The following LHFPL3 variants were observed in gnomAD, a reference collection of about 807,000 sequenced individuals.
LHFPL3 encodes LHFPL tetraspan subfamily member 3 protein.
Under a neutral mutation model 19.3 loss-of-function variants are expected in LHFPL3, and 5 were observed. The ratio of observed to expected loss-of-function variants is 0.26; its 90% CI spans 0.14 to 0.54. The LOEUF is 0.54. LHFPL3 is among the 20% of genes least tolerant of loss of function. The probability of loss-of-function intolerance (pLI) is 0.94; values close to 1 mark genes in which losing one functional copy is unlikely to be tolerated. For missense variants in LHFPL3, 249 were observed against 307.4 expected (o/e 0.81, Z 1.42); for synonymous variants, 133 against 126.2 (o/e 1.05, Z -0.36).
intron 1 of LHFPL3, among the ~76,000 whole-genome samples, chr7:104,429,356 G>T (rs1014153830): frequency 2.9e-5 from 4 of 138,090 alleles, no homozygotes; most frequent in African/African-American, 1.1e-4. Context: ...TGCCGAGGCT[G>T]GAGTGCAATG....
chr7:104,853,594 G>A (rs1791449694), intron 2 of LHFPL3, among the ~76,000 whole-genome samples: 1 of 152,164 alleles, frequency 6.6e-6, no homozygotes, highest in South Asian at 2.1e-4. Context: ...TGGTAAATTA[G>A]TGCTAATTTG....
chr7:104,429,301 CTTTT>C (rs71823474), intron 1 of LHFPL3, among the ~76,000 whole-genome samples: 1 of 84,528 alleles, frequency 1.2e-5, no homozygotes, highest in Non-Finnish European at 2.1e-5. Flanking sequence ...TATGTCATTC[CTTTT>C]TTTTTTTTTT....
intron 1 of LHFPL3, among the ~76,000 whole-genome samples, chr7:104,357,307 G>A (rs530398556): frequency 6.6e-6 from 1 of 152,278 alleles, no homozygotes; most frequent in South Asian, 2.1e-4. Flanking sequence ...CAAGTCACGT[G>A]CAATTTTGAC....
chr7:104,638,237 T>C (rs1486126903), intron 1 of LHFPL3, among the ~76,000 whole-genome samples: 1 of 152,220 alleles, frequency 6.6e-6, no homozygotes, highest in Non-Finnish European at 1.5e-5. Flanking sequence ...ACATTGATTT[T>C]ATATTCTGAA....
At chr7:104,773,688 GAGA>G (rs1384796670) in intron 2 of LHFPL3, among the ~76,000 whole-genome samples, 1 of 152,192 alleles carries the variant, frequency 6.6e-6, no homozygotes, top group Non-Finnish European at 1.5e-5. Flanking sequence ...TCCTTACAAA[GAGA>G]AGAAACCTGG....
chr7:104,357,359 T>C (rs1460394563), intron 1 of LHFPL3, among the ~76,000 whole-genome samples: 1 of 152,194 alleles, frequency 6.6e-6, no homozygotes, highest in African/African-American at 2.4e-5. Flanking sequence ...GAACCCAGGA[T>C]ACAGATAGAG....
intron 1 of LHFPL3, among the ~76,000 whole-genome samples, chr7:104,563,638 G>A (rs985602105): frequency 5.3e-5 from 8 of 152,358 alleles, no homozygotes; most frequent in South Asian, 2.1e-4. Context: ...GAAATCACCC[G>A]TCTTCTGTGT....
intron 1 of LHFPL3, among the ~76,000 whole-genome samples, chr7:104,599,402 G>C (rs1294265455): frequency 6.6e-6 from 1 of 152,132 alleles, no homozygotes; most frequent in Non-Finnish European, 1.5e-5. Context: ...TTGTTGGATT[G>C]GCTGTATTTG....
At chr7:104,411,100 T>C (rs986441837) in intron 1 of LHFPL3, among the ~76,000 whole-genome samples, 4 of 152,236 alleles carry the variant, frequency 2.6e-5, no homozygotes, top group Non-Finnish European at 4.4e-5. Flanking sequence ...GAGCGTATTT[T>C]AATTAAAAGA....
chr7:104,598,957 T>C (rs1225841719), intron 1 of LHFPL3, among the ~76,000 whole-genome samples: 1 of 152,266 alleles, frequency 6.6e-6, no homozygotes, highest in Non-Finnish European at 1.5e-5. Context: ...TTGACCTTGA[T>C]GGCACTTATG....
At chr7:104,807,606 C>A (rs1185664613) in intron 2 of LHFPL3, among the ~76,000 whole-genome samples, 1 of 152,178 alleles carries the variant, frequency 6.6e-6, no homozygotes, top group African/African-American at 2.4e-5. Context: ...ATGCCTGTAC[C>A]ATAACAAGTT....
At chr7:104,530,311 T>C (rs1038834858) in intron 1 of LHFPL3, among the ~76,000 whole-genome samples, 5 of 152,180 alleles carry the variant, frequency 3.3e-5, no homozygotes, top group Non-Finnish European at 7.3e-5. Flanking sequence ...ATAGCTGAAA[T>C]CACTTTGTGC....
rs1367607748 is a variant in LHFPL3, at chr7:104,561,897, G to T, written c.446-174778G>T. Among the ~76,000 whole-genome samples the T allele has an allele frequency of 3.9e-5, 6 of 152,174 alleles. No homozygotes were observed. In the South Asian group the frequency reaches 1.0e-3, roughly 26 times the overall value. On this transcript the variant is annotated intron_variant, in intron 1 of 2. Transcript: ENST00000424859. ...GGCCTGGTGGTGACAAAATCTCTCA[G>T]CATTTGCTTGTCTGTAAAGGATTTT...
intron 1 of LHFPL3, among the ~76,000 whole-genome samples, chr7:104,656,446 C>A (rs1792122694): frequency 6.6e-6 from 1 of 152,210 alleles, no homozygotes; most frequent in Non-Finnish European, 1.5e-5. Context: ...ACACTGCTGA[C>A]TTCCTGCTCA....
At chr7:104,656,849 C>A (rs924329061) in intron 1 of LHFPL3, among the ~76,000 whole-genome samples, 1 of 152,228 alleles carries the variant, frequency 6.6e-6, no homozygotes, top group Non-Finnish European at 1.5e-5. Context: ...ATATGGGCAT[C>A]TTCACATTCT....
intron 1 of LHFPL3, among the ~76,000 whole-genome samples, chr7:104,363,027 T>A (rs371913205): frequency 2.6e-4 from 40 of 152,394 alleles, no homozygotes; most frequent in African/African-American, 9.4e-4. Flanking sequence ...GTTAGGAATC[T>A]TGTAGCCTCT....
intron 1 of LHFPL3, among the ~76,000 whole-genome samples, chr7:104,564,609 A>G (rs949877326): frequency 6.6e-6 from 1 of 152,252 alleles, no homozygotes; most frequent in East Asian, 1.9e-4. Context: ...GATGTAGAGA[A>G]CTATGTTGCC....
chr7:104,497,503 T>G (rs1266168509), intron 1 of LHFPL3, among the ~76,000 whole-genome samples: 1 of 152,054 alleles, frequency 6.6e-6, no homozygotes, highest in Non-Finnish European at 1.5e-5. Context: ...TGTCTTCATC[T>G]GAGAGCTGAC....
intron 1 of LHFPL3, among the ~76,000 whole-genome samples, chr7:104,444,284 AAAC>A (rs1264719754): frequency 6.6e-6 from 1 of 152,212 alleles, no homozygotes; most frequent in Non-Finnish European, 1.5e-5. Flanking sequence ...TGTAGAAAGC[AAAC>A]AACAGCATTG....
Sources: allele counts gnomAD v4.1 joint callset (sites outside exome capture counted in the v4.1 genomes callset), GRCh38; gene constraint gnomAD v4.1.1; transcripts MANE v1.5; gene names NCBI Gene and HGNC (gene_info 2026-07-23, HGNC 2026-07-21).